PREP: variants seen among roughly 807,000 people sequenced by gnomAD.
PREP encodes prolyl endopeptidase.
Under a neutral mutation model 87.6 loss-of-function variants are expected in PREP, and 29 were observed. That is an observed-to-expected ratio of 0.33 (90% CI 0.25 to 0.45). The LOEUF is 0.45. PREP is among the 20% of genes least tolerant of loss of function. PREP has a pLI of 1.00. For synonymous variants in PREP, 337 were observed against 328.6 expected, an observed-to-expected ratio of 1.03 and a Z score of -0.28; for missense variants, 695 against 886.5, an observed-to-expected ratio of 0.78 and a Z score of 2.74.
chr6:105,395,191 G>T (rs1773257465), intron 2 of PREP, among the ~76,000 whole-genome samples: 2 of 152,176 alleles, frequency 1.3e-5, no homozygotes, highest in Admixed American at 1.3e-4. Flanking sequence ...AAAAAGAACA[G>T]GTCAGCATGG....
chr6:105,347,183 GA>G (rs1372549566), intron 7 of PREP, among the ~76,000 whole-genome samples: 4 of 152,174 alleles, frequency 2.6e-5, no homozygotes, highest in African/African-American at 9.7e-5. Context: ...AAAAAAGAAA[GA>G]AAACAGAAGA....
At chr6:105,289,776 A>G (rs1344023449) in intron 10 of PREP, among the ~76,000 whole-genome samples, 1 of 151,988 alleles carries the variant, frequency 6.6e-6, no homozygotes, top group Non-Finnish European at 1.5e-5. Context: ...CCCCCAAACA[A>G]CCCCTGGAAA....
At chr6:105,340,029 G>A (rs1432296547) in intron 7 of PREP, among the ~76,000 whole-genome samples, 5 of 152,080 alleles carry the variant, frequency 3.3e-5, no homozygotes, top group Non-Finnish European at 7.4e-5. Context: ...TCAAATTCAC[G>A]AAATACAGAG....
chr6:105,360,348 G>A (rs1470480285), intron 6 of PREP, among the ~76,000 whole-genome samples: 1 of 152,098 alleles, frequency 6.6e-6, no homozygotes, highest in African/African-American at 2.4e-5. Flanking sequence ...CTTCCATCTT[G>A]GTGATTTCTT....
At chr6:105,371,242 C>A (rs143327272) in intron 5 of PREP, among the ~76,000 whole-genome samples, 4 of 152,108 alleles carry the variant, frequency 2.6e-5, no homozygotes, top group Admixed American at 2.0e-4. Context: ...TGGTGGCTCA[C>A]GCCTATAATC....
At chr6:105,340,635 T>C (rs893726321) in intron 7 of PREP, among the ~76,000 whole-genome samples, 1 of 152,174 alleles carries the variant, frequency 6.6e-6, no homozygotes, top group African/African-American at 2.4e-5. Flanking sequence ...GTGTGCTATA[T>C]TCAGAAGACC....
chr6:105,290,402 A>G (rs2114617270), intron 10 of PREP, among the ~76,000 whole-genome samples: 1 of 152,178 alleles, frequency 6.6e-6, no homozygotes, highest in Middle Eastern at 3.4e-3. Context: ...ACATGATGCT[A>G]CCTTCACTGT....
At chr6:105,392,706 A>T (rs1253060881) in intron 2 of PREP, among the ~76,000 whole-genome samples, 1 of 152,170 alleles carries the variant, frequency 6.6e-6, no homozygotes, top group Non-Finnish European at 1.5e-5. Context: ...CCACCCAAGT[A>T]GCTGGAATTA....
intron 7 of PREP, among the ~76,000 whole-genome samples, chr6:105,350,768 A>AC (rs1245620271): frequency 6.6e-6 from 1 of 152,212 alleles, no homozygotes; most frequent in East Asian, 1.9e-4. Context: ...TCCCAGGGCC[A>AC]CCATTCAAAA....
At chr6:105,354,435 C>A (rs1330025530) in intron 6 of PREP, among the ~76,000 whole-genome samples, 3 of 152,092 alleles carry the variant, frequency 2.0e-5, no homozygotes, top group Non-Finnish European at 4.4e-5. Flanking sequence ...TTCTTCCATA[C>A]CCTTATTATG....
At chr6:105,358,305 A>AC (rs1284355833) in intron 6 of PREP, among the ~76,000 whole-genome samples, 1 of 152,160 alleles carries the variant, frequency 6.6e-6, no homozygotes, top group Non-Finnish European at 1.5e-5. Flanking sequence ...AAAACTCTTT[A>AC]CCATTTTTAT....
At chr6:105,340,998 A>G (rs1213501284) in intron 7 of PREP, among the ~76,000 whole-genome samples, 1 of 152,250 alleles carries the variant, frequency 6.6e-6, no homozygotes, top group Non-Finnish European at 1.5e-5. Context: ...GAAAGTTAAC[A>G]AGGATATCCA....
chr6:105,383,253 T>TAA (rs35025983), intron 2 of PREP, among the ~76,000 whole-genome samples: 6 of 137,754 alleles, frequency 4.4e-5, no homozygotes, highest in South Asian at 2.3e-4. Flanking sequence ...TCTCTACCAT[T>TAA]AAAAAAAAAA....
In PREP at chr6:105,314,280, G is replaced by A. The variant is rs143889844; in HGVS notation, c.1317+9385C>T. Among the ~76,000 whole-genome samples, 287 of 152,250 alleles carry A rather than the reference G, an allele frequency of 1.9e-3. 5 individuals are homozygous for A. Among genetic ancestry groups the A allele is most frequent in the Middle Eastern group, 6.8e-3 (2 of 294 alleles). Reference sequence around the variant, plus strand: ...TGGGATGGTGGTTGCTGAAGGATGGGGTTGCTGTGGCAATTTCTTAAAACA... The same window carrying A: ...TGGGATGGTGGTTGCTGAAGGATGGAGTTGCTGTGGCAATTTCTTAAAACA... On this transcript the variant is annotated intron_variant, in intron 10 of 14. Transcript: ENST00000652536.
intron 10 of PREP, among the ~76,000 whole-genome samples, chr6:105,293,753 G>A (rs1170256446): frequency 6.6e-6 from 1 of 152,152 alleles, no homozygotes; most frequent in African/African-American, 2.4e-5. Context: ...TCCATTGATG[G>A]AATGGTAATT....
chr6:105,298,109 C>T (rs1046433473), intron 10 of PREP: 3 of 152,194 alleles, frequency 2.0e-5, no homozygotes, highest in African/African-American at 4.8e-5. Context: ...CTTCTTTAAA[C>T]GTTAGACTCT....
chr6:105,390,351 T>TA (rs1314761948), intron 2 of PREP, among the ~76,000 whole-genome samples: 1 of 152,224 alleles, frequency 6.6e-6, no homozygotes, highest in Non-Finnish European at 1.5e-5. Context: ...CGAATATAAA[T>TA]AAAAATACTT....
chr6:105,391,569 TG>T (rs1773147782), intron 2 of PREP, among the ~76,000 whole-genome samples: 1 of 152,130 alleles, frequency 6.6e-6, no homozygotes, highest in Non-Finnish European at 1.5e-5. Flanking sequence ...CCACTGATCT[TG>T]AAGAAAATAG....
At position 105,316,755 on chromosome 6, in the gene PREP, A is replaced by G. The variant is rs77540391; in HGVS notation, c.1317+6910T>C. Among the ~76,000 whole-genome samples the G allele has an allele frequency of 0.012, 1,799 of 152,316 alleles. 105 individuals are homozygous for G. The East Asian group carries it at 0.17, about 14-fold the overall frequency. The stretch of plus-strand genomic sequence containing the variant: ...TTTAGTATTTAAAACTATTTATAAA[A>G]CAAGTCATTAAATAAATCATATTTA... On this transcript the variant is annotated intron_variant, in intron 10 of 14. Coordinates refer to ENST00000652536, the MANE Select transcript of PREP (RefSeq NM_002726.5).
Sources: gnomAD v4.1 joint callset for allele counts (sites outside exome capture counted in the v4.1 genomes callset) on GRCh38, gnomAD v4.1.1 for gene constraint, MANE v1.5 for transcripts, NCBI Gene and HGNC (gene_info 2026-07-23, HGNC 2026-07-21) for gene names.